Variants in SEMA3C observed in about 807,000 individuals in gnomAD.
The protein encoded by SEMA3C is semaphorin 3C.
Under a neutral mutation model 89.4 loss-of-function variants are expected in SEMA3C, and 47 were observed. The observed-to-expected ratio is 0.53, with a 90% CI of 0.42 to 0.67. The LOEUF (loss-of-function observed/expected upper bound fraction) is 0.67. Ranked by LOEUF, SEMA3C falls within the 30% of genes least tolerant of loss-of-function variation. SEMA3C has a pLI of 0.00. For missense variants in SEMA3C, 839 were observed against 929.1 expected, an observed-to-expected ratio of 0.90 and a Z score of 1.26; for synonymous variants, 310 against 320.2, an observed-to-expected ratio of 0.97 and a Z score of 0.34.
At chr7:80,754,947 G>GTTTCTTTTTGT (rs1583845772) in intron 15 of SEMA3C, among the ~76,000 whole-genome samples, 1 of 13,136 alleles carries the variant, frequency 7.6e-5, no homozygotes, top group East Asian at 7.8e-3. Flanking sequence ...CTGGCGAATT[G>GTTTCTTTTTGT]TTTTTTTTTG....
chr7:80,868,749 A>C (rs1314879273), intron 2 of SEMA3C, among the ~76,000 whole-genome samples: 2 of 152,144 alleles, frequency 1.3e-5, no homozygotes, highest in Non-Finnish European at 2.9e-5. Context: ...AAATTCCACA[A>C]GTAGCAGATT....
Position 80,754,957 on chromosome 7 carries a change from G to GTTTTTTTTTTGTTTTTTTTTTTTTTTT in SEMA3C, c.1643+3373_1643+3374insAAAAAAAAAAAAAAAACAAAAAAAAAA, listed in dbSNP as rs1449995090. ...CATGCCTGGCGAATTGTTTTTTTTT[G>GTTTTTTTTTTGTTTTTTTTTTTTTTTT]TTTTTTTTTTTTTTGTATTTTTAGT... On this transcript the variant is annotated intron_variant, in intron 15 of 17. Transcript: ENST00000265361. Among the ~76,000 whole-genome samples the GTTTTTTTTTTGTTTTTTTTTTTTTTTT allele has an allele frequency of 6.5e-4, 70 of 108,384 alleles. 12 individuals are homozygous for GTTTTTTTTTTGTTTTTTTTTTTTTTTT. The highest frequency in any genetic ancestry group is 8.1e-4 in the Admixed American group (8 of 9,856). The allele number at this position is 108,384 out of a possible 152,430, so 71.1% of individuals were successfully genotyped here. A position where few individuals can be genotyped will look rare whatever the true frequency, so the allele number is the denominator to read the frequency against.
At chr7:80,905,758 T>C in intron 2 of SEMA3C, 1 of 813,820 alleles carries the variant, frequency 1.2e-6, no homozygotes, top group Non-Finnish European at 1.8e-6. Context: ...GTGAGGTGTC[T>C]ATGCTTCTTT....
At chr7:80,868,592 A>T (rs1790984461) in intron 2 of SEMA3C, among the ~76,000 whole-genome samples, 1 of 152,168 alleles carries the variant, frequency 6.6e-6, no homozygotes, top group South Asian at 2.1e-4. Context: ...CCAAAATACA[A>T]TGCTGATTAT....
At chr7:80,882,353 T>C (rs1454247212) in intron 2 of SEMA3C, among the ~76,000 whole-genome samples, 7 of 151,682 alleles carry the variant, frequency 4.6e-5, no homozygotes, top group Non-Finnish European at 1.0e-4. Context: ...AAGGAGTTTG[T>C]GATCACTGTA....
chr7:80,869,266 C>A (rs1791001060), intron 2 of SEMA3C, among the ~76,000 whole-genome samples: 1 of 152,062 alleles, frequency 6.6e-6, no homozygotes, highest in Non-Finnish European at 1.5e-5. Flanking sequence ...AATTAGCTAG[C>A]AAGATGTTAA....
intron 2 of SEMA3C, among the ~76,000 whole-genome samples, chr7:80,875,620 C>T (rs1791182224): frequency 6.6e-6 from 1 of 152,114 alleles, no homozygotes; most frequent in African/African-American, 2.4e-5. Context: ...CTCCATCCAA[C>T]TCCATCACAC....
chr7:80,803,001 CATTT>C lies in SEMA3C; in HGVS notation c.802-226_802-223del, dbSNP rs1049603534. Among the ~76,000 whole-genome samples, 5 of 152,184 alleles carry C rather than the reference CATTT, an allele frequency of 3.3e-5. No homozygotes were observed. In the East Asian group the frequency reaches 7.7e-4, roughly 23 times the overall value. ...TATAGCATGATGTCAGCTGAAAATACATTTATTTGATAAATGTGTGACATAATTA... is the reference window on the plus strand; with the variant it reads ...TATAGCATGATGTCAGCTGAAAATACATTTGATAAATGTGTGACATAATTA... On this transcript the variant is annotated intron_variant, in intron 8 of 17. Transcript: ENST00000265361.
chr7:80,840,430 G>T (rs1001906280), intron 2 of SEMA3C, among the ~76,000 whole-genome samples: 3 of 148,456 alleles, frequency 2.0e-5, no homozygotes, highest in Admixed American at 6.8e-5. Context: ...GAGGTAGGAG[G>T]ATCACTTGAG....
intron 9 of SEMA3C, among the ~76,000 whole-genome samples, chr7:80,801,191 A>C (rs971879493): frequency 6.6e-6 from 1 of 152,102 alleles, no homozygotes; most frequent in Non-Finnish European, 1.5e-5. Context: ...AAAGCTGTAG[A>C]AATATTCTGG....
At chr7:80,886,442 C>T (rs544438622) in intron 2 of SEMA3C, among the ~76,000 whole-genome samples, 21 of 151,938 alleles carry the variant, frequency 1.4e-4, no homozygotes, top group Admixed American at 9.2e-4. Context: ...CAACCTCCGC[C>T]TCCTGGGTTC....
rs1213162113 is a variant in SEMA3C at position 80,919,003 on chromosome 7, G to T, written c.-214C>A. 1.0e-6 allele frequency: 1 copy of T among 985,238 alleles called. No homozygotes were observed. The highest frequency in any genetic ancestry group is 1.2e-6 in the Non-Finnish European group (1 of 829,912). 61.0% of individuals were successfully genotyped at this position (985,238 alleles called of 1,614,324 possible). A position where few individuals can be genotyped will look rare whatever the true frequency, so the allele number is the denominator to read the frequency against. On this transcript the variant is annotated 5_prime_UTR_variant, in exon 1 of 18. Transcript: ENST00000265361. ...AAAGGAATCTCAGCGCTGCAGTGCC[G>T]CGGCACCCGGAGCTCTTCTCCGCGT...
intron 2 of SEMA3C, among the ~76,000 whole-genome samples, chr7:80,866,909 C>G (rs189304117): frequency 2.0e-5 from 3 of 151,974 alleles, no homozygotes; most frequent in Non-Finnish European, 4.4e-5. Context: ...ACTACATGTG[C>G]GTACAGAAAA....
chr7:80,846,288 G>A (rs938154631), intron 2 of SEMA3C, among the ~76,000 whole-genome samples: 1 of 152,072 alleles, frequency 6.6e-6, no homozygotes, highest in Non-Finnish European at 1.5e-5. Context: ...ATCATGCTAT[G>A]TCATGCTTCT....
chr7:80,898,687 C>T (rs2116185471), intron 2 of SEMA3C, among the ~76,000 whole-genome samples: 1 of 152,132 alleles, frequency 6.6e-6, no homozygotes, highest in East Asian at 1.9e-4. Flanking sequence ...AATCTCTTTC[C>T]TTAAACATAC....
intron 7 of SEMA3C, among the ~76,000 whole-genome samples, chr7:80,805,428 T>C (rs1562883386): frequency 1.3e-5 from 2 of 152,078 alleles, no homozygotes; most frequent in Admixed American, 1.3e-4. Flanking sequence ...TGTAGGATGA[T>C]TAATAGAAAT....
At chr7:80,819,622 G>T (rs1223372127) in intron 4 of SEMA3C, among the ~76,000 whole-genome samples, 1 of 152,076 alleles carries the variant, frequency 6.6e-6, no homozygotes, top group African/African-American at 2.4e-5. Flanking sequence ...CTTTGCCCTG[G>T]ATCTCCTAAA....
intron 2 of SEMA3C, among the ~76,000 whole-genome samples, chr7:80,829,348 A>C (rs1198360086): frequency 2.0e-5 from 3 of 152,176 alleles, no homozygotes; most frequent in African/African-American, 7.2e-5. Context: ...AGTTAAAATA[A>C]ATAAACCAAA....
chr7:80,914,842 T>C (rs1792232238), intron 2 of SEMA3C, among the ~76,000 whole-genome samples: 1 of 152,226 alleles, frequency 6.6e-6, no homozygotes, highest in Admixed American at 6.5e-5. Context: ...CCATCATTAC[T>C]TCTAGTCACT....
Sources: gnomAD v4.1 joint callset for allele counts (sites outside exome capture counted in the v4.1 genomes callset) on GRCh38, gnomAD v4.1.1 for gene constraint, MANE v1.5 for transcripts, NCBI Gene and HGNC (gene_info 2026-07-23, HGNC 2026-07-21) for gene names.